The following CAMKMT variants were observed in gnomAD, a reference collection of about 807,000 sequenced individuals.
CAMKMT encodes the protein CaM KMT.
CAMKMT carries 53 observed loss-of-function variants against 48.0 expected under a neutral mutation model. The observed-to-expected ratio is 1.10, with a 90% CI of 0.89 to 1.39. The LOEUF (loss-of-function observed/expected upper bound fraction) is 1.39, where lower values mean the gene tolerates loss of function less well. Among genes scored for constraint, CAMKMT ranks in the 40% most tolerant of loss-of-function variants. The pLI is 0.00. For missense variants in CAMKMT, 428 were observed against 402.7 expected, an observed-to-expected ratio of 1.06 and a Z score of -0.54; for synonymous variants, 165 against 152.3, an observed-to-expected ratio of 1.08 and a Z score of -0.61.
At chr2:44,393,426 T>A (rs1046829160) in intron 3 of CAMKMT, 4 of 152,214 alleles carry the variant, frequency 2.6e-5, no homozygotes, top group African/African-American at 9.6e-5. Context: ...GCGTATTGAT[T>A]TATTGCTGTG....
intron 3 of CAMKMT, among the ~76,000 whole-genome samples, chr2:44,512,564 C>T (rs1345900443): frequency 6.6e-6 from 1 of 152,178 alleles, no homozygotes; most frequent in African/African-American, 2.4e-5. Context: ...TTGTTGCTAG[C>T]CTTTCAAGAG....
At chr2:44,604,020 C>G (rs1243901712) in intron 3 of CAMKMT, among the ~76,000 whole-genome samples, 1 of 152,150 alleles carries the variant, frequency 6.6e-6, no homozygotes, top group East Asian at 1.9e-4. Flanking sequence ...TCTCACAGGA[C>G]AGGCTATGTT....
intron 6 of CAMKMT, among the ~76,000 whole-genome samples, chr2:44,713,136 C>T (rs1313974433): frequency 6.6e-6 from 1 of 152,042 alleles, no homozygotes; most frequent in Non-Finnish European, 1.5e-5. Flanking sequence ...CACCTGGAGT[C>T]ACAGGTTTAT....
At chr2:44,504,980 T>C (rs1468113976) in intron 3 of CAMKMT, among the ~76,000 whole-genome samples, 1 of 152,158 alleles carries the variant, frequency 6.6e-6, no homozygotes, top group Non-Finnish European at 1.5e-5. Flanking sequence ...GGAGCCAGTG[T>C]GCACAGAGGT....
intron 3 of CAMKMT, among the ~76,000 whole-genome samples, chr2:44,508,547 A>G (rs1353015078): frequency 3.4e-5 from 5 of 149,078 alleles, no homozygotes; most frequent in South Asian, 4.4e-4. Context: ...ACCATTGTAG[A>G]CATCCACCTA....
chr2:44,735,529 T>A (rs1679307602), intron 7 of CAMKMT, among the ~76,000 whole-genome samples: 1 of 152,146 alleles, frequency 6.6e-6, no homozygotes. Flanking sequence ...TTTATTTTAG[T>A]GGTTGCTTTA....
Position 44,541,770 on chromosome 2 carries a change from C to CA in CAMKMT, c.376+151481dup, listed in dbSNP as rs34738217. Among the ~76,000 whole-genome samples, 474 of 67,068 alleles carry CA rather than the reference C, an allele frequency of 7.1e-3. 2 individuals are homozygous for CA. Among genetic ancestry groups the CA allele is most frequent in the African/African-American group, 0.016 (323 of 20,734 alleles). 44.0% of individuals were successfully genotyped at this position (67,068 alleles called of 152,430 possible). A position where few individuals can be genotyped will look rare whatever the true frequency, so the allele number is the denominator to read the frequency against. On this transcript the variant is annotated intron_variant, in intron 3 of 10. Coordinates refer to ENST00000378494, the MANE Select transcript of CAMKMT (RefSeq NM_024766.5). ...TGGGTGGCAGAGTGAAACTCTGTCT[C>CA]AAAAAAAAAAAAAAAAGGATACATA...
intron 3 of CAMKMT, among the ~76,000 whole-genome samples, chr2:44,545,163 A>G (rs1667327890): frequency 6.6e-6 from 1 of 152,220 alleles, no homozygotes; most frequent in Non-Finnish European, 1.5e-5. Flanking sequence ...AGGCTCTGTC[A>G]CGGTATGGGG....
At chr2:44,542,423 T>C (rs996104250) in intron 3 of CAMKMT, among the ~76,000 whole-genome samples, 1 of 149,810 alleles carries the variant, frequency 6.7e-6, no homozygotes, top group Non-Finnish European at 1.5e-5. Context: ...ACAAAAAAAA[T>C]AGAAGATGCT....
chr2:44,504,737 A>G (rs1670174005), intron 3 of CAMKMT, among the ~76,000 whole-genome samples: 1 of 152,166 alleles, frequency 6.6e-6, no homozygotes, highest in Non-Finnish European at 1.5e-5. Context: ...AGATCTCTTA[A>G]TGTGCTTATT....
intron 3 of CAMKMT, among the ~76,000 whole-genome samples, chr2:44,641,628 G>A (rs1007386296): frequency 6.6e-6 from 1 of 151,962 alleles, no homozygotes; most frequent in African/African-American, 2.4e-5. Context: ...TATAAACTTG[G>A]CTCACTGTAA....
chr2:44,696,926 C>T (rs1210797262), intron 3 of CAMKMT, among the ~76,000 whole-genome samples: 1 of 151,908 alleles, frequency 6.6e-6, no homozygotes, highest in Non-Finnish European at 1.5e-5. Context: ...ATAACAATAG[C>T]ATATATTAAA....
At chr2:44,694,295 C>T (rs954126933) in intron 3 of CAMKMT, among the ~76,000 whole-genome samples, 10 of 152,112 alleles carry the variant, frequency 6.6e-5, no homozygotes, top group African/African-American at 2.4e-4. Context: ...AATTCTAGGC[C>T]AGGTGCGGTG....
At chr2:44,599,251 A>G (rs531154100) in intron 3 of CAMKMT, among the ~76,000 whole-genome samples, 2 of 152,260 alleles carry the variant, frequency 1.3e-5, no homozygotes, top group South Asian at 4.1e-4. Flanking sequence ...CTCATAGTTT[A>G]TTTATAAATA....
At chr2:44,728,084 G>A (rs1678886400) in intron 7 of CAMKMT, among the ~76,000 whole-genome samples, 1 of 152,024 alleles carries the variant, frequency 6.6e-6, no homozygotes, top group African/African-American at 2.4e-5. Flanking sequence ...CACCACACCA[G>A]GGTATTTTTA....
intron 3 of CAMKMT, among the ~76,000 whole-genome samples, chr2:44,391,290 G>T (rs1477874387): frequency 2.0e-5 from 3 of 152,120 alleles, no homozygotes; most frequent in Non-Finnish European, 2.9e-5. Context: ...ATCTATAAAT[G>T]TCCTTAAATT....
At chr2:44,462,269 A>C (rs892149873) in intron 3 of CAMKMT, among the ~76,000 whole-genome samples, 1 of 152,202 alleles carries the variant, frequency 6.6e-6, no homozygotes, top group African/African-American at 2.4e-5. Flanking sequence ...AAAATAATTT[A>C]TGTTATCACT....
intron 3 of CAMKMT, among the ~76,000 whole-genome samples, chr2:44,580,221 A>G (rs1482171865): frequency 2.0e-5 from 3 of 146,632 alleles, no homozygotes; most frequent in African/African-American, 7.4e-5. Context: ...AATGATTGAG[A>G]ATGAACTAGC....
chr2:44,401,090 T>C (rs938845747), intron 3 of CAMKMT: 1 of 151,930 alleles, frequency 6.6e-6, no homozygotes, highest in Non-Finnish European at 1.5e-5. Flanking sequence ...GCATTTTCAA[T>C]TCTCAAATGA....
Sources: gnomAD v4.1 joint callset for allele counts (sites outside exome capture counted in the v4.1 genomes callset) on GRCh38, gnomAD v4.1.1 for gene constraint, MANE v1.5 for transcripts, NCBI Gene and HGNC (gene_info 2026-07-23, HGNC 2026-07-21) for gene names.